KDM8: variants seen among roughly 807,000 people sequenced by gnomAD.
KDM8 encodes bifunctional peptidase and arginyl-hydroxylase JMJD5.
Under a neutral mutation model 46.9 loss-of-function variants are expected in KDM8, and 35 were observed. The ratio of observed to expected loss-of-function variants is 0.75; its 90% CI spans 0.57 to 0.99. The LOEUF (loss-of-function observed/expected upper bound fraction) is 0.99. KDM8 is among the 50% of genes least tolerant of loss of function. The pLI is 0.00. For synonymous variants in KDM8, 232 were observed against 227.7 expected (o/e 1.02, Z -0.17); for missense variants, 475 against 537.0 (o/e 0.88, Z 1.14).
At chr16:27,219,768 T>C (rs2083597172) in intron 6 of KDM8, among the ~76,000 whole-genome samples, 1 of 152,188 alleles carries the variant, frequency 6.6e-6, no homozygotes, top group South Asian at 2.1e-4. Flanking sequence ...TTCAGTTTCC[T>C]CACCTGCAAA....
Position 27,220,371 on chromosome 16 carries a change from CTG to C in KDM8, c.994-20_994-19del. 6.2e-7 allele frequency: 1 copy of C among 1,605,990 alleles called. No homozygotes were observed. The highest frequency in any genetic ancestry group is 8.5e-7 in the Non-Finnish European group (1 of 1,172,736). ...GCAGTGGAGTGAGGCCACCAGCTGACTGTCAGGGTCTCTCTCCCCAGGTGATG... is the reference window on the plus strand; with the variant it reads ...GCAGTGGAGTGAGGCCACCAGCTGACTCAGGGTCTCTCTCCCCAGGTGATG... On this transcript the variant is annotated intron_variant, in intron 6 of 7. Coordinates refer to ENST00000286096, the MANE Select transcript of KDM8 (RefSeq NM_024773.3).
chr16:27,221,178 GC>G lies in KDM8; in HGVS notation c.*450del, dbSNP rs1192373037. On this transcript the variant is annotated 3_prime_UTR_variant, in exon 8 of 8. Coordinates refer to ENST00000286096, the MANE Select transcript of KDM8 (RefSeq NM_024773.3). ...GTGCCCATATGGAAAAGAGGGCAAGGCCAGTCCTCACTGCCGAGGGCCGAGA... is the reference window on the plus strand; with the variant it reads ...GTGCCCATATGGAAAAGAGGGCAAGGCAGTCCTCACTGCCGAGGGCCGAGA... 6.2e-6 allele frequency: 2 copies of G among 320,800 alleles called. No homozygotes were observed. Among genetic ancestry groups the G allele is most frequent in the Non-Finnish European group, 1.2e-5 (2 of 162,288 alleles). 19.9% of individuals were successfully genotyped at this position (320,800 alleles called of 1,614,324 possible). A position where few individuals can be genotyped will look rare whatever the true frequency, so the allele number is the denominator to read the frequency against.
chr16:27,203,995 A>G lies in KDM8; in HGVS notation c.-32+359A>G, dbSNP rs2083401839. 5 of 1,010,474 alleles carry G rather than the reference A, an allele frequency of 4.9e-6. No individual in the cohort carries two copies. In the South Asian group the frequency reaches 7.7e-5, roughly 16 times the overall value. The allele number at this position is 1,010,474 out of a possible 1,614,324, so 62.6% of individuals were successfully genotyped here. ...GGCCTAGTGCGCCTGCGCGGGTTTT[A>G]TACTCTGCTATATGTGTGTCCGCTG... On this transcript the variant is annotated intron_variant, in intron 1 of 7. Coordinates refer to ENST00000286096, the MANE Select transcript of KDM8 (RefSeq NM_024773.3).
chr16:27,215,604 C>A (rs749332646), intron 4 of KDM8, among the ~76,000 whole-genome samples: 1 of 152,106 alleles, frequency 6.6e-6, no homozygotes, highest in Non-Finnish European at 1.5e-5. Context: ...CAGGATAGGA[C>A]AATTTATTTT....
chr16:27,208,246 T>A (rs965993703), intron 1 of KDM8, among the ~76,000 whole-genome samples: 3 of 152,098 alleles, frequency 2.0e-5, no homozygotes, highest in African/African-American at 7.2e-5. Context: ...AGACCAAACA[T>A]GAGGCCACCC....
rs775305383 is a variant in KDM8, at chr16:27,213,655, C to T, written c.569C>T (p.Pro190Leu). The T allele has an allele frequency of 1.5e-5, 25 of 1,614,040 alleles. No homozygotes were observed. The Admixed American group carries it at 3.0e-4, about 19-fold the overall frequency. ...LEKTVPRLHRPSLQHFREQFL... is the reference protein window; with the variant it reads ...LEKTVPRLHRLSLQHFREQFL... The stretch of plus-strand genomic sequence containing the variant: ...AAAACAGTCCCCCGGCTGCACCGTC[C>T]GTCCCTCCAGCATTTCAGGGAGCAG... The change falls in exon 3 of 8, where the codon CCG (proline) becomes CTG (leucine). Residue 190 changes from proline (P) to leucine (L), a missense_variant. By Grantham distance (98) the Pro-to-Leu change is moderately conservative (BLOSUM62 -3). Transcript: ENST00000286096.
intron 1 of KDM8, among the ~76,000 whole-genome samples, chr16:27,208,315 G>A (rs936252282): frequency 2.0e-5 from 3 of 152,030 alleles, no homozygotes; most frequent in East Asian, 3.9e-4. Flanking sequence ...CTACAAAGCC[G>A]CACACGTGAG....
In KDM8 at chr16:27,219,262, C is replaced by T. The variant is rs1007962043; in HGVS notation, c.993+152C>T. On this transcript the variant is annotated intron_variant, in intron 6 of 7. Coordinates refer to ENST00000286096, the MANE Select transcript of KDM8 (RefSeq NM_024773.3). ...CAAAAATATAAAGCAAACCCACAAA[C>T]GGCCCCAGGCCCAGGAAGGCCTCTG... is the stretch of plus-strand genomic sequence containing the variant. The T allele has an allele frequency of 3.9e-5, 33 of 840,490 alleles. No homozygotes were observed. In the South Asian group the frequency reaches 5.0e-4, roughly 13 times the overall value. The allele number at this position is 840,490 out of a possible 1,614,324, so 52.1% of individuals were successfully genotyped here.
At chr16:27,204,326 G>T in intron 1 of KDM8, 1 of 1,368,236 alleles carries the variant, frequency 7.3e-7, no homozygotes. Context: ...CCCGGGGACA[G>T]GAGGTGCGCA....
chr16:27,219,757 C>CT (rs1398419860), intron 6 of KDM8, among the ~76,000 whole-genome samples: 3 of 152,220 alleles, frequency 2.0e-5, no homozygotes, highest in Non-Finnish European at 4.4e-5. Flanking sequence ...TCTCTCTGTG[C>CT]TTCAGTTTCC....
In KDM8 at chr16:27,215,002, G is replaced by C. The variant is rs961970745; in HGVS notation, c.792G>C (p.Val264=). The part of the protein sequence containing the change: ...TVNEFISKYI[V]NEPRDVGYLA... Reference sequence around the variant, plus strand: ...ACGAGTTCATCAGCAAATACATCGTGAATGAGGTACATCATGGGGACTGCT... The same window carrying C: ...ACGAGTTCATCAGCAAATACATCGTCAATGAGGTACATCATGGGGACTGCT... The change falls in exon 4 of 8, where the codon GTG becomes GTC. Residue 264 remains valine, a synonymous_variant. Coordinates refer to ENST00000286096, the MANE Select transcript of KDM8 (RefSeq NM_024773.3). 1.2e-6 allele frequency: 2 copies of C among 1,614,130 alleles called. No individual in the cohort carries two copies. Among genetic ancestry groups the C allele is most frequent in the Admixed American group, 3.3e-5 (2 of 60,024 alleles).
chr16:27,208,591 T>A (rs1370780927), intron 1 of KDM8, among the ~76,000 whole-genome samples: 1 of 152,204 alleles, frequency 6.6e-6, no homozygotes, highest in African/African-American at 2.4e-5. Context: ...CTGGCCTTTA[T>A]GAGAAGCCAG....
Position 27,220,503 on chromosome 16 carries a change from G to C in KDM8, c.1086+18G>C. ...CGAGCCAGGTGGGCACTGGGGGTCT[G>C]GGGTGACGTTGCAGGTTCTCCCCAC... On this transcript the variant is annotated intron_variant, in intron 7 of 7. Transcript: ENST00000286096. 1 of 1,614,042 alleles carries C rather than the reference G, an allele frequency of 6.2e-7. No homozygotes were observed. Among genetic ancestry groups the C allele is most frequent in the South Asian group, 1.1e-5 (1 of 91,078 alleles).
chr16:27,220,467 TCTC>T lies in KDM8; in HGVS notation c.1070_1072del (p.Leu357del), dbSNP rs770420717. 4.3e-6 allele frequency: 7 copies of T among 1,614,116 alleles called. No individual in the cohort carries two copies. The highest frequency in any genetic ancestry group is 5.9e-6 in the Non-Finnish European group (7 of 1,180,000). On this transcript the variant is annotated inframe_deletion, in exon 7 of 8. Transcript: ENST00000286096. Reference sequence around the variant, plus strand: ...CTCTGTACCCTCATGACACGCACCTTCTCCATAACACGAGCCAGGTGGGCACTG... The same window carrying T: ...CTCTGTACCCTCATGACACGCACCTTCATAACACGAGCCAGGTGGGCACTG...
chr16:27,204,152 C>T (rs2083405304), intron 1 of KDM8: 9 of 1,523,208 alleles, frequency 5.9e-6, no homozygotes, highest in South Asian at 1.2e-5. Context: ...GGTCTGAGGC[C>T]TCGGGGCTCA....
At chr16:27,203,670 C>T (rs1214487830) in intron 1 of KDM8, 34 bp downstream of exon 1, 2 of 167,192 alleles carry the variant, frequency 1.2e-5, no homozygotes, top group Non-Finnish European at 2.6e-5. Flanking sequence ...GGAGTCAGCT[C>T]CAGTTCCTCA....
At chr16:27,218,922 CCGG>C (rs1210795729) in intron 5 of KDM8, 36 bp from the exon 6 acceptor site, 1 of 1,612,924 alleles carries the variant, frequency 6.2e-7, no homozygotes, top group African/African-American at 1.3e-5. Flanking sequence ...GTGTCCCCAG[CCGG>C]ATCCCCACAT....
At chr16:27,216,019 T>C in intron 5 of KDM8, 30 bp downstream of exon 5, 1 of 1,611,820 alleles carries the variant, frequency 6.2e-7, no homozygotes, top group Non-Finnish European at 8.5e-7. Context: ...CCTCTGCCCC[T>C]CACCGTCTCA....
rs536774315 is a variant in KDM8 at position 27,213,518 on chromosome 16, G to A, written c.499-67G>A. ...TCTCCTACCCCTGACACAGGTTCCT[G>A]GTGGAATACCTCAAATGTCGACTTC... On this transcript the variant is annotated intron_variant, in intron 2 of 7. Transcript: ENST00000286096. 1.9e-6 allele frequency: 3 copies of A among 1,549,490 alleles called. No homozygotes were observed. In the Admixed American group the frequency reaches 5.2e-5, roughly 27 times the overall value.
Sources: gnomAD v4.1 joint callset for allele counts (sites outside exome capture counted in the v4.1 genomes callset) on GRCh38, gnomAD v4.1.1 for gene constraint, MANE v1.5 for transcripts, NCBI Gene and HGNC (gene_info 2026-07-23, HGNC 2026-07-21) for gene names.